The following IQCK variants were observed in gnomAD, a reference collection of about 807,000 sequenced individuals.
The protein encoded by IQCK is IQ domain-containing protein K.
Under a neutral mutation model 28.1 loss-of-function variants are expected in IQCK, and 29 were observed. The observed-to-expected ratio is 1.03, with a 90% CI of 0.77 to 1.41. IQCK has a LOEUF of 1.41. IQCK is among the 40% of genes most tolerant of loss of function. The pLI is 0.00. For synonymous variants in IQCK, 113 were observed against 115.1 expected, an observed-to-expected ratio of 0.98 and a Z score of 0.12; for missense variants, 359 against 314.7, an observed-to-expected ratio of 1.14 and a Z score of -1.07.
intron 4 of IQCK, among the ~76,000 whole-genome samples, chr16:19,762,591 G>A (rs186841059): frequency 4.0e-4 from 61 of 152,226 alleles, no homozygotes; most frequent in African/African-American, 1.4e-3. Flanking sequence ...AAGGATTCAC[G>A]CGTATTTCAT....
At chr16:19,763,337 G>T in intron 4 of IQCK, among the ~76,000 whole-genome samples, 1 of 152,116 alleles carries the variant, frequency 6.6e-6, no homozygotes, top group Non-Finnish European at 1.5e-5. Flanking sequence ...TCATCTTCAG[G>T]TTTAGTAGGC....
intron 6 of IQCK, among the ~76,000 whole-genome samples, chr16:19,775,994 G>C (rs1224489051): frequency 6.9e-6 from 1 of 144,138 alleles, no homozygotes; most frequent in Non-Finnish European, 1.5e-5. Context: ...CCATTCTCCT[G>C]TCTCAGCCTC....
chr16:19,773,183 G>A (rs2055341509), intron 6 of IQCK, among the ~76,000 whole-genome samples: 1 of 152,064 alleles, frequency 6.6e-6, no homozygotes, highest in Non-Finnish European at 1.5e-5. Flanking sequence ...GGAGGACTGA[G>A]TTTTCCTATG....
chr16:19,718,590 C>A, intron 1 of IQCK, 103 bp downstream of exon 1: 1 of 1,076,520 alleles, frequency 9.3e-7, no homozygotes, highest in Non-Finnish European at 1.2e-6. Flanking sequence ...CGGGCGGGGC[C>A]GCCGGGCAGC....
intron 4 of IQCK, among the ~76,000 whole-genome samples, chr16:19,748,948 C>CT (rs1426987655): frequency 6.6e-6 from 1 of 152,122 alleles, no homozygotes; most frequent in Admixed American, 6.5e-5. Flanking sequence ...TCAGCCTTCT[C>CT]TTGAGAATTT....
At chr16:19,724,174 C>G (rs947863243) in intron 1 of IQCK, among the ~76,000 whole-genome samples, 5 of 152,108 alleles carry the variant, frequency 3.3e-5, no homozygotes, top group Non-Finnish European at 7.4e-5. Context: ...TGGAACATCC[C>G]TACCTTCTCA....
At chr16:19,719,951 G>A (rs2151669206) in intron 1 of IQCK, among the ~76,000 whole-genome samples, 1 of 152,134 alleles carries the variant, frequency 6.6e-6, no homozygotes, top group African/African-American at 2.4e-5. Context: ...ACAATTACAG[G>A]CCTGAGCCAC....
chr16:19,843,416 C>T (rs2056382841), intron 9 of IQCK, among the ~76,000 whole-genome samples: 1 of 152,216 alleles, frequency 6.6e-6, no homozygotes, highest in African/African-American at 2.4e-5. Flanking sequence ...TACTCTGTCT[C>T]TTTATGGATT....
chr16:19,736,839 G>A (rs1246398206), intron 4 of IQCK, among the ~76,000 whole-genome samples: 2 of 151,906 alleles, frequency 1.3e-5, no homozygotes, highest in African/African-American at 2.4e-5. Flanking sequence ...CTCAAATCCA[G>A]ATTAAATGAT....
At chr16:19,819,919 G>T (rs776187259) in intron 7 of IQCK, among the ~76,000 whole-genome samples, 3 of 151,754 alleles carry the variant, frequency 2.0e-5, no homozygotes, top group Non-Finnish European at 2.9e-5. Context: ...AGAATTAAGA[G>T]TCTAGAAATA....
intron 6 of IQCK, among the ~76,000 whole-genome samples, chr16:19,768,004 G>GT (rs1322646377): frequency 6.9e-4 from 94 of 136,700 alleles, no homozygotes; most frequent in Middle Eastern, 3.9e-3. Flanking sequence ...CCTGAACATT[G>GT]TTTTTTTTTG....
At chr16:19,824,907 C>T (rs1442249307) in intron 7 of IQCK, among the ~76,000 whole-genome samples, 1 of 152,214 alleles carries the variant, frequency 6.6e-6, no homozygotes, top group Non-Finnish European at 1.5e-5. Context: ...TACACTCCAT[C>T]CCTTCTTTCC....
At chr16:19,851,934 G>A (rs1022728837) in intron 9 of IQCK, among the ~76,000 whole-genome samples, 4 of 152,186 alleles carry the variant, frequency 2.6e-5, no homozygotes, top group African/African-American at 9.7e-5. Flanking sequence ...AGACCAGGAG[G>A]AGGAAGACCA....
chr16:19,720,802 C>T (rs1007084973), intron 1 of IQCK, among the ~76,000 whole-genome samples: 3 of 152,018 alleles, frequency 2.0e-5, no homozygotes, highest in Non-Finnish European at 4.4e-5. Flanking sequence ...GGATCACCTG[C>T]GGTCAGGAAT....
At chr16:19,744,976 TAG>T (rs1351572892) in intron 4 of IQCK, among the ~76,000 whole-genome samples, 2 of 152,176 alleles carry the variant, frequency 1.3e-5, no homozygotes, top group East Asian at 3.8e-4. Context: ...ATGCAGATAA[TAG>T]TATCTAAATT....
chr16:19,754,325 A>G (rs1230084941), intron 4 of IQCK, among the ~76,000 whole-genome samples: 1 of 152,240 alleles, frequency 6.6e-6, no homozygotes, highest in Non-Finnish European at 1.5e-5. Context: ...TAATTTGGAA[A>G]GAAATCAGTT....
intron 7 of IQCK, among the ~76,000 whole-genome samples, chr16:19,803,280 T>C (rs1302515892): frequency 6.6e-6 from 1 of 152,108 alleles, no homozygotes; most frequent in Non-Finnish European, 1.5e-5. Flanking sequence ...GTAGCTGGGA[T>C]TACAGGCGCA....
chr16:19,823,664 C>T (rs2056104854), intron 7 of IQCK, among the ~76,000 whole-genome samples: 3 of 152,182 alleles, frequency 2.0e-5, no homozygotes, highest in Admixed American at 6.5e-5. Flanking sequence ...TGGCTGGGCA[C>T]AGTGGCTCAC....
intron 9 of IQCK, among the ~76,000 whole-genome samples, chr16:19,834,320 G>A (rs1014244972): frequency 2.6e-5 from 4 of 152,138 alleles, no homozygotes; most frequent in African/African-American, 9.7e-5. Flanking sequence ...TGAGGAAACC[G>A]GGGCTGGGAG....
Sources: gnomAD v4.1 joint callset for allele counts (sites outside exome capture counted in the v4.1 genomes callset) on GRCh38, gnomAD v4.1.1 for gene constraint, MANE v1.5 for transcripts, NCBI Gene and HGNC (gene_info 2026-07-23, HGNC 2026-07-21) for gene names.